COMT: variants seen among roughly 807,000 people sequenced by gnomAD.
The protein encoded by COMT is catechol-O-methyltransferase, also known as catechol O-methyltransferase.
In COMT, 13 loss-of-function variants were observed where a neutral mutation model predicts 18.9. The observed-to-expected ratio is 0.69, with a 90% CI of 0.45 to 1.09. COMT has a LOEUF of 1.09. Among genes scored for constraint, COMT ranks in the 50% least tolerant of loss-of-function variants. COMT has a pLI of 0.00. For synonymous variants in COMT, 150 were observed against 160.9 expected (o/e 0.93, Z 0.51); for missense variants, 329 against 361.8 (o/e 0.91, Z 0.73).
intron 4 of COMT, 151 bp downstream of exon 4, chr22:19,963,910 C>A: frequency 8.2e-7 from 1 of 1,213,094 alleles, no homozygotes; most frequent in Non-Finnish European, 1.2e-6. Context: ...CAGCCTGGGG[C>A]TGAGGAAAGA....
chr22:19,968,517 C>G lies in COMT; in HGVS notation c.616-19C>G. On this transcript the variant is annotated intron_variant, in intron 5 of 5. Transcript: ENST00000361682. ...GCACCTCTGACCCTCACCTCCCCCACCCCCCGGTCTGTTTGCAGGAATGTG... is the reference window on the plus strand; with the variant it reads ...GCACCTCTGACCCTCACCTCCCCCAGCCCCCGGTCTGTTTGCAGGAATGTG... 1.2e-6 allele frequency: 2 copies of G among 1,609,610 alleles called. No individual in the cohort carries two copies. Among genetic ancestry groups the G allele is most frequent in the Non-Finnish European group, 8.5e-7 (1 of 1,177,474 alleles).
intron 1 of COMT, among the ~76,000 whole-genome samples, chr22:19,945,727 G>A (rs904031933): frequency 2.6e-5 from 4 of 152,018 alleles, no homozygotes; most frequent in African/African-American, 7.2e-5. Context: ...GTGCAGTGGC[G>A]TGATCTCAGC....
At chr22:19,952,596 G>A (rs913553200) in intron 1 of COMT, among the ~76,000 whole-genome samples, 8 of 150,864 alleles carry the variant, frequency 5.3e-5, no homozygotes, top group Non-Finnish European at 8.9e-5. Context: ...CCGAGATTGC[G>A]CCACTGCACT....
chr22:19,963,780 G>A (rs772083227), intron 4 of COMT, 21 bp downstream of exon 4: 2 of 1,605,078 alleles, frequency 1.2e-6, no homozygotes, highest in Non-Finnish European at 1.7e-6. Flanking sequence ...CTGACCCGTT[G>A]TCAGACCTGG....
At chr22:19,953,017 GC>G (rs1301321801) in intron 1 of COMT, among the ~76,000 whole-genome samples, 4 of 151,980 alleles carry the variant, frequency 2.6e-5, no homozygotes, top group Non-Finnish European at 5.9e-5. Flanking sequence ...AAATGAAGCA[GC>G]AGCAGCTTTG....
chr22:19,962,929 G>A lies in COMT; in HGVS notation c.289+114G>A, dbSNP rs972188532. Reference sequence around the variant, plus strand: ...CATTTCCAGGGGGCTGGGAACCCTGGGATATGCCCAGATAGGGCTGGGGGG... The same window carrying A: ...CATTTCCAGGGGGCTGGGAACCCTGAGATATGCCCAGATAGGGCTGGGGGG... On this transcript the variant is annotated intron_variant, in intron 3 of 5. Coordinates refer to ENST00000361682, the MANE Select transcript of COMT (RefSeq NM_000754.4). The A allele has an allele frequency of 2.9e-6, 4 of 1,364,204 alleles. No individual in the cohort carries two copies. In the East Asian group the frequency reaches 7.3e-5, roughly 25 times the overall value. 84.5% of individuals were successfully genotyped at this position (1,364,204 alleles called of 1,614,324 possible). A position where few individuals can be genotyped will look rare whatever the true frequency, so the allele number is the denominator to read the frequency against.
chr22:19,963,629 A>C lies in COMT; in HGVS notation c.353A>C (p.Tyr118Ser), dbSNP rs1364785401. 6.2e-7 allele frequency: 1 copy of C among 1,612,998 alleles called. No individual in the cohort carries two copies. The highest frequency in any genetic ancestry group is 1.7e-5 in the Admixed American group (1 of 60,022). The change falls in exon 4 of 6, where the codon TAC becomes TCC. Residue 118 changes from tyrosine (Y) to serine (S), a missense_variant. Tyr to Ser is a moderately radical substitution (Grantham distance 144, BLOSUM62 -2). Transcript: ENST00000361682. ...TCCGTGCTGCTGGAGCTGGGGGCCT[A>C]CTGTGGCTACTCAGCTGTGCGCATG... ...QPSVLLELGA[Y>S]CGYSAVRMAR...
intron 1 of COMT, among the ~76,000 whole-genome samples, chr22:19,952,020 A>G (rs975347417): frequency 2.0e-5 from 3 of 152,172 alleles, no homozygotes; most frequent in Non-Finnish European, 4.4e-5. Flanking sequence ...GTTAGAAGCC[A>G]TGTGCAGTAT....
chr22:19,943,835 G>A (rs905155458), intron 1 of COMT, among the ~76,000 whole-genome samples: 19 of 152,268 alleles, frequency 1.2e-4, no homozygotes, highest in African/African-American at 4.3e-4. Flanking sequence ...CTGTGATGAT[G>A]GCATAGGCAT....
chr22:19,962,419 G>C, intron 2 of COMT, 108 bp from the exon 3 acceptor site: 1 of 1,509,574 alleles, frequency 6.6e-7, no homozygotes, highest in Non-Finnish European at 8.9e-7. Flanking sequence ...TCTGAACCTT[G>C]CCCCTCTGCA....
chr22:19,953,135 C>T (rs1281488312), intron 1 of COMT, among the ~76,000 whole-genome samples: 1 of 152,054 alleles, frequency 6.6e-6, no homozygotes, highest in Non-Finnish European at 1.5e-5. Flanking sequence ...CAGGCTGCTG[C>T]CACGGTGGGC....
chr22:19,963,096 G>C (rs550403035), intron 3 of COMT, among the ~76,000 whole-genome samples: 2 of 152,158 alleles, frequency 1.3e-5, no homozygotes, highest in African/African-American at 2.4e-5. Context: ...GCCACCATGG[G>C]ACCTGCCTGG....
At chr22:19,950,111 C>T (rs779480694) in intron 1 of COMT, among the ~76,000 whole-genome samples, 6 of 151,782 alleles carry the variant, frequency 4.0e-5, no homozygotes, top group Non-Finnish European at 7.4e-5. Context: ...CTGAAAACAT[C>T]TTGTAAGCTT....
At chr22:19,964,077 T>G in intron 4 of COMT, 91 bp from the exon 5 acceptor site, 1 of 1,606,778 alleles carries the variant, frequency 6.2e-7, no homozygotes, top group East Asian at 2.2e-5. Context: ...CCTGTCTGTG[T>G]GGGCGTGGGC....
intron 5 of COMT, chr22:19,967,068 A>C: frequency 8.2e-7 from 1 of 1,221,322 alleles, no homozygotes; most frequent in Non-Finnish European, 1.1e-6. Flanking sequence ...TCCCCTCTTG[A>C]CCAGTTTCGT....
chr22:19,964,257 C>T lies in COMT; in HGVS notation c.573C>T (p.Asp191=). 1 of 1,614,108 alleles carries T rather than the reference C, an allele frequency of 6.2e-7. No individual in the cohort carries two copies. The highest frequency in any genetic ancestry group is 8.5e-7 in the Non-Finnish European group (1 of 1,180,042). Residue 191 remains aspartate, a synonymous_variant, in exon 5 of 6, where the codon GAC becomes GAT. Transcript: ENST00000361682. ...ACACACTGGACATGGTCTTCCTCGA[C>T]CACTGGAAGGACCGGTACCTGCCGG... ...DVDTLDMVFL[D]HWKDRYLPDT...
chr22:19,951,845 C>T (rs534019058), intron 1 of COMT, among the ~76,000 whole-genome samples: 25 of 152,282 alleles, frequency 1.6e-4, no homozygotes, highest in South Asian at 8.3e-4. Flanking sequence ...GGGTTTGCCA[C>T]GGGGGCTTAC....
chr22:19,955,566 T>TG (rs1942040138), intron 1 of COMT, among the ~76,000 whole-genome samples: 1 of 152,242 alleles, frequency 6.6e-6, no homozygotes, highest in Non-Finnish European at 1.5e-5. Flanking sequence ...GCAGCCCCCG[T>TG]GGGGGACCTG....
At chr22:19,964,344 G>A in intron 5 of COMT, 45 bp downstream of exon 5, 3 of 1,613,424 alleles carry the variant, frequency 1.9e-6, no homozygotes, top group Non-Finnish European at 2.5e-6. Flanking sequence ...GCTGCCCAGA[G>A]CCCATTCAGT....
Sources: allele counts gnomAD v4.1 joint callset (sites outside exome capture counted in the v4.1 genomes callset), GRCh38; gene constraint gnomAD v4.1.1; transcripts MANE v1.5; gene names NCBI Gene and HGNC (gene_info 2026-07-23, HGNC 2026-07-21).